Variants in BLTP3B observed in about 807,000 individuals in gnomAD.
BLTP3B encodes the protein UHRF1 (ICBP90) binding protein 1-like.
chr12:100,069,745 A>G, the BLTP3B span, among the ~76,000 whole-genome samples: 5 of 152,202 alleles, frequency 3.3e-5, no homozygotes, highest in South Asian at 1.0e-3. Flanking sequence ...AAAGACTACA[A>G]ATAGGGTACA....
At chr12:100,072,964 T>G in the BLTP3B span, 48 of 800,582 alleles carry the variant, frequency 6.0e-5, no homozygotes, top group African/African-American at 8.2e-4. Context: ...TAACTTCACA[T>G]GGAATTATTT....
At chr12:100,116,448 CAAA>C in the BLTP3B span, among the ~76,000 whole-genome samples, 5 of 55,994 alleles carry the variant, frequency 8.9e-5, no homozygotes, top group Non-Finnish European at 1.5e-4. Context: ...GATCCTGTCT[CAAA>C]AAAAAAAAAA....
chr12:100,086,372 A>C, the BLTP3B span: 3 of 439,238 alleles, frequency 6.8e-6, no homozygotes, highest in Non-Finnish European at 1.3e-5. Context: ...GGAAAAAAAA[A>C]GGGGGGGGGG....
chr12:100,052,803 T>TTTTC, the BLTP3B span, among the ~76,000 whole-genome samples: 1 of 148,428 alleles, frequency 6.7e-6, no homozygotes, highest in African/African-American at 2.5e-5. Flanking sequence ...TTTTTTTTTT[T>TTTTC]TTTTTTTTAA....
the BLTP3B span, among the ~76,000 whole-genome samples, chr12:100,111,600 T>C: frequency 6.6e-6 from 1 of 151,776 alleles, no homozygotes; most frequent in African/African-American, 2.4e-5. Flanking sequence ...TTTGTTTTTT[T>C]TTGTTTGTTT....
At chr12:100,048,761 A>AGAGT in the BLTP3B span, among the ~76,000 whole-genome samples, 10 of 126,326 alleles carry the variant, frequency 7.9e-5, no homozygotes, top group African/African-American at 3.3e-4. Context: ...AGAGAGAGAG[A>AGAGT]GTGAGAGTGA....
the BLTP3B span, chr12:100,037,599 T>A: frequency 6.2e-7 from 1 of 1,604,528 alleles, no homozygotes; most frequent in South Asian, 1.1e-5. Flanking sequence ...ACCTTCCTAC[T>A]CCAGAGCTAT....
At chr12:100,138,514 C>G in the BLTP3B span, among the ~76,000 whole-genome samples, 1 of 152,202 alleles carries the variant, frequency 6.6e-6, no homozygotes, top group Non-Finnish European at 1.5e-5. Context: ...GGCCTCTATT[C>G]ACTAGATGGC....
the BLTP3B span, among the ~76,000 whole-genome samples, chr12:100,041,429 C>CTTTTT: frequency 2.9e-5 from 3 of 101,812 alleles, no homozygotes; most frequent in African/African-American, 9.4e-5. Context: ...GCTATTGTTA[C>CTTTTT]TTTTTTTTTT....
At chr12:100,047,561 C>G in the BLTP3B span, 1 of 1,612,990 alleles carries the variant, frequency 6.2e-7, no homozygotes, top group Admixed American at 1.7e-5. Context: ...CGTCACTTCT[C>G]TCTACCACAA....
chr12:100,086,372 AGGGG>A, the BLTP3B span: 12 of 439,222 alleles, frequency 2.7e-5, no homozygotes, highest in Non-Finnish European at 5.1e-5. Context: ...GGAAAAAAAA[AGGGG>A]GGGGGGGAAA....
chr12:100,074,490 T>A, the BLTP3B span, among the ~76,000 whole-genome samples: 1 of 151,860 alleles, frequency 6.6e-6, no homozygotes, highest in Non-Finnish European at 1.5e-5. Context: ...TCCCAGTTAC[T>A]TGGGAGGCTG....
At chr12:100,088,702 TAACA>T in the BLTP3B span, among the ~76,000 whole-genome samples, 2 of 152,324 alleles carry the variant, frequency 1.3e-5, no homozygotes, top group South Asian at 4.1e-4. Flanking sequence ...CATTGATAGC[TAACA>T]AATAATTAAG....
chr12:100,109,427 C>T, the BLTP3B span, among the ~76,000 whole-genome samples: 3 of 151,880 alleles, frequency 2.0e-5, no homozygotes, highest in Non-Finnish European at 4.4e-5. Context: ...ATTTATTGTA[C>T]GTTTTAAAGT....
chr12:100,074,780 T>C, the BLTP3B span, among the ~76,000 whole-genome samples: 1 of 152,026 alleles, frequency 6.6e-6, no homozygotes, highest in East Asian at 1.9e-4. Flanking sequence ...GCTGGAGACA[T>C]TACATAACTA....
the BLTP3B span, among the ~76,000 whole-genome samples, chr12:100,096,292 A>C: frequency 6.6e-6 from 1 of 152,096 alleles, no homozygotes; most frequent in African/African-American, 2.4e-5. Flanking sequence ...GAGTTCCTAT[A>C]ATATGAAAGG....
At chr12:100,090,505 C>A in the BLTP3B span, among the ~76,000 whole-genome samples, 3 of 151,918 alleles carry the variant, frequency 2.0e-5, no homozygotes, top group African/African-American at 7.3e-5. Flanking sequence ...AAATTTAGAA[C>A]AAGTTATTAA....
the BLTP3B span, among the ~76,000 whole-genome samples, chr12:100,074,832 A>G: frequency 6.6e-6 from 1 of 152,172 alleles, no homozygotes; most frequent in Admixed American, 6.5e-5. Flanking sequence ...ATACAAAAAC[A>G]GAGACATAGA....
chr12:100,117,487 C>T, the BLTP3B span, among the ~76,000 whole-genome samples: 2 of 152,164 alleles, frequency 1.3e-5, no homozygotes, highest in South Asian at 4.1e-4. Context: ...TATTTTGAGG[C>T]AGTCTCGTTC....
Sources: allele counts gnomAD v4.1 joint callset (sites outside exome capture counted in the v4.1 genomes callset), GRCh38; gene constraint gnomAD v4.1.1; transcripts MANE v1.5; gene names NCBI Gene and HGNC (gene_info 2026-07-23, HGNC 2026-07-21).